Variants in WDPCP observed in about 807,000 individuals in gnomAD.
The protein encoded by WDPCP is WD repeat containing planar cell polarity effector.
WDPCP carries 71 observed loss-of-function variants against 93.1 expected under a neutral mutation model. The observed-to-expected ratio is 0.76, with a 90% CI of 0.63 to 0.93. The LOEUF (loss-of-function observed/expected upper bound fraction) is 0.93. WDPCP is among the 40% of genes least tolerant of loss of function. The pLI, the probability that WDPCP is intolerant of heterozygous loss-of-function variation, is 0.00. For missense variants in WDPCP, 844 were observed against 887.4 expected (o/e 0.95, Z 0.62); for synonymous variants, 315 against 315.0 (o/e 1.00, Z 0.00).
At chr2:63,467,337 G>T (rs1025342164) in intron 6 of WDPCP, among the ~76,000 whole-genome samples, 1 of 151,664 alleles carries the variant, frequency 6.6e-6, no homozygotes, top group African/African-American at 2.4e-5. Context: ...CAAATAAGCC[G>T]GGCATGGTGG....
At chr2:63,290,528 G>A (rs1462421375) in intron 13 of WDPCP, among the ~76,000 whole-genome samples, 1 of 152,084 alleles carries the variant, frequency 6.6e-6, no homozygotes, top group Non-Finnish European at 1.5e-5. Flanking sequence ...ATTCTTTCAT[G>A]TAGAGACGAG....
chr2:63,635,031 A>G (rs1359316389), intron 3 of WDPCP, among the ~76,000 whole-genome samples: 2 of 152,126 alleles, frequency 1.3e-5, no homozygotes, highest in Non-Finnish European at 2.9e-5. Flanking sequence ...AGAAAATCAT[A>G]AACAGGGGAC....
chr2:63,711,780 A>G (rs1669267669), intron 2 of WDPCP, among the ~76,000 whole-genome samples: 1 of 152,184 alleles, frequency 6.6e-6, no homozygotes, highest in Admixed American at 6.5e-5. Context: ...CCGACAAACA[A>G]ACAAAACAGA....
intron 14 of WDPCP, among the ~76,000 whole-genome samples, chr2:63,208,597 T>A (rs191620792): frequency 6.6e-6 from 1 of 152,210 alleles, no homozygotes; most frequent in Admixed American, 6.5e-5. Context: ...AGCACCTCCA[T>A]ACTTTCTACA....
chr2:63,726,417 T>G (rs1669498017), intron 2 of WDPCP, among the ~76,000 whole-genome samples: 1 of 152,220 alleles, frequency 6.6e-6, no homozygotes, highest in African/African-American at 2.4e-5. Flanking sequence ...ATGACTGTTT[T>G]TGTACCATAT....
chr2:63,198,435 A>C (rs924044347), intron 14 of WDPCP, among the ~76,000 whole-genome samples: 17 of 152,156 alleles, frequency 1.1e-4, no homozygotes, highest in Admixed American at 9.8e-4. Flanking sequence ...TGTGGATGCC[A>C]GGGAAAAACA....
At chr2:63,812,815 GATATTCC>G (rs1478964690) in intron 2 of WDPCP, among the ~76,000 whole-genome samples, 2 of 151,912 alleles carry the variant, frequency 1.3e-5, no homozygotes, top group African/African-American at 4.8e-5. Context: ...CAAGTTTACA[GATATTCC>G]ATAATCTATG....
intron 15 of WDPCP, among the ~76,000 whole-genome samples, chr2:63,170,276 CT>C (rs1168550595): frequency 4.9e-4 from 71 of 143,940 alleles, no homozygotes; most frequent in Admixed American, 4.9e-4. Context: ...TTCTTTCTTT[CT>C]TTTTTTTTTT....
intron 16 of WDPCP, 197 bp from the exon 17 acceptor site, chr2:63,153,142 C>A (rs1671994557): frequency 1.7e-6 from 1 of 602,638 alleles, no homozygotes; most frequent in East Asian, 2.8e-5. Flanking sequence ...GTATGGCTAC[C>A]TTGCATTACA....
intron 14 of WDPCP, among the ~76,000 whole-genome samples, chr2:63,213,741 A>C (rs1048036626): frequency 6.6e-6 from 1 of 152,218 alleles, no homozygotes; most frequent in Non-Finnish European, 1.5e-5. Flanking sequence ...ACTAATAAAG[A>C]AGAAAAGACG....
chr2:63,583,761 C>T (rs1188760312), intron 1 of WDPCP, among the ~76,000 whole-genome samples: 1 of 151,742 alleles, frequency 6.6e-6, no homozygotes. Flanking sequence ...TGTATTCTCT[C>T]TCAAATTTGT....
At chr2:63,200,714 C>G (rs1456104661) in intron 14 of WDPCP, among the ~76,000 whole-genome samples, 3 of 151,860 alleles carry the variant, frequency 2.0e-5, no homozygotes, top group South Asian at 2.1e-4. Flanking sequence ...TTGGGTACAA[C>G]AAAATGGAAA....
chr2:63,203,960 A>T (rs1472450837), intron 14 of WDPCP, among the ~76,000 whole-genome samples: 1 of 152,198 alleles, frequency 6.6e-6, no homozygotes, highest in East Asian at 1.9e-4. Flanking sequence ...GCTGATGGAC[A>T]CTTAGGTTGC....
At chr2:63,793,876 G>GTA (rs983000730) in intron 2 of WDPCP, among the ~76,000 whole-genome samples, 1 of 87,672 alleles carries the variant, frequency 1.1e-5, no homozygotes, top group African/African-American at 4.2e-5. Context: ...TACATTGTGT[G>GTA]TGTGTGTGTG....
chr2:63,294,508 GAAAAAAAAA>G (rs59228476), intron 13 of WDPCP, among the ~76,000 whole-genome samples: 50 of 48,322 alleles, frequency 1.0e-3, no homozygotes, highest in African/African-American at 3.3e-3. Flanking sequence ...AGACTGTTTC[GAAAAAAAAA>G]AAAAAAAAAA....
intron 6 of WDPCP, among the ~76,000 whole-genome samples, chr2:63,450,049 T>C (rs1334129413): frequency 6.6e-6 from 1 of 152,166 alleles, no homozygotes; most frequent in Non-Finnish European, 1.5e-5. Context: ...GCAAAGTGCA[T>C]GCTTTCCAGA....
intron 2 of WDPCP, among the ~76,000 whole-genome samples, chr2:63,768,422 A>T (rs1670178624): frequency 6.6e-6 from 1 of 151,316 alleles, no homozygotes; most frequent in African/African-American, 2.4e-5. Flanking sequence ...GTCAACTTTT[A>T]AAAAATCTGC....
At chr2:63,514,478 C>T (rs1702431458) in intron 1 of WDPCP, among the ~76,000 whole-genome samples, 1 of 152,152 alleles carries the variant, frequency 6.6e-6, no homozygotes, top group African/African-American at 2.4e-5. Flanking sequence ...CCTTGACAGG[C>T]ACTTTCCATG....
In WDPCP at chr2:63,162,778, G is replaced by A. The variant is rs180682667; in HGVS notation, c.2079-9204C>T. Among the ~76,000 whole-genome samples the A allele has an allele frequency of 5.3e-5, 8 of 152,146 alleles. No individual in the cohort carries two copies. In the East Asian group the frequency reaches 1.4e-3, roughly 26 times the overall value. ...ATGCTCTGAGCTTTGTGGGATAAAA[G>A]TACTATGCAAATAGTAAATGTCACA... On this transcript the variant is annotated intron_variant, in intron 15 of 17. Transcript: ENST00000272321.
Sources: allele counts gnomAD v4.1 joint callset (sites outside exome capture counted in the v4.1 genomes callset), GRCh38; gene constraint gnomAD v4.1.1; transcripts MANE v1.5; gene names NCBI Gene and HGNC (gene_info 2026-07-23, HGNC 2026-07-21).